COL19A1: variants seen among roughly 807,000 people sequenced by gnomAD.
COL19A1 encodes the protein collagen type XIX alpha 1 chain.
In COL19A1, 159 loss-of-function variants were observed where a neutral mutation model predicts 190.2. The ratio of observed to expected loss-of-function variants is 0.84; its 90% CI spans 0.73 to 0.95. The LOEUF (loss-of-function observed/expected upper bound fraction) is 0.95, where lower values mean the gene tolerates loss of function less well. COL19A1 is among the 40% of genes least tolerant of loss of function. The probability of loss-of-function intolerance (pLI) is 0.00; values close to 1 mark genes in which losing one functional copy is unlikely to be tolerated. For synonymous variants in COL19A1, 509 were observed against 458.9 expected (o/e 1.11, Z -1.39); for missense variants, 1,418 against 1,431.9 (o/e 0.99, Z 0.16).
intron 11 of COL19A1, among the ~76,000 whole-genome samples, chr6:70,005,079 G>A (rs767345869): frequency 1.3e-4 from 19 of 151,970 alleles, no homozygotes; most frequent in South Asian, 2.1e-4. Context: ...TGATGTGCCC[G>A]CCTTGGCCTC....
chr6:70,136,145 A>G (rs1421436557), intron 18 of COL19A1, among the ~76,000 whole-genome samples: 2 of 152,224 alleles, frequency 1.3e-5, no homozygotes, highest in East Asian at 1.9e-4. Context: ...CCATAAATCT[A>G]GAAGACTAAT....
intron 15 of COL19A1, among the ~76,000 whole-genome samples, chr6:70,069,800 T>C (rs930184007): frequency 2.6e-5 from 4 of 152,310 alleles, no homozygotes; most frequent in Non-Finnish European, 5.9e-5. Flanking sequence ...CTGATCCTTG[T>C]TGTTAAATTT....
intron 4 of COL19A1, among the ~76,000 whole-genome samples, chr6:69,910,029 G>T (rs926097432): frequency 6.6e-6 from 1 of 152,028 alleles, no homozygotes; most frequent in Non-Finnish European, 1.5e-5. Flanking sequence ...AGTGCTAGTT[G>T]AATTGGTATG....
intron 2 of COL19A1, among the ~76,000 whole-genome samples, chr6:69,896,727 C>T (rs1292310998): frequency 6.6e-6 from 1 of 152,086 alleles, no homozygotes; most frequent in African/African-American, 2.4e-5. Context: ...CTTTGCATTT[C>T]CTTGATAACT....
At chr6:70,142,586 ACTAT>A (rs2150235776) in intron 22 of COL19A1, among the ~76,000 whole-genome samples, 177 bp from the exon 23 acceptor site, 1 of 152,266 alleles carries the variant, frequency 6.6e-6, no homozygotes, top group African/African-American at 2.4e-5. Flanking sequence ...GTATCTGGAA[ACTAT>A]CTTGGTAATC....
intron 9 of COL19A1, among the ~76,000 whole-genome samples, chr6:69,953,128 AG>A (rs553240075): frequency 6.6e-6 from 1 of 152,012 alleles, no homozygotes; most frequent in Admixed American, 6.6e-5. Flanking sequence ...TTAAATGAGG[AG>A]GAAAAAAAAA....
At chr6:70,132,976 C>G (rs1785615364) in intron 18 of COL19A1, among the ~76,000 whole-genome samples, 1 of 152,200 alleles carries the variant, frequency 6.6e-6, no homozygotes, top group African/African-American at 2.4e-5. Flanking sequence ...ATAACTAAAA[C>G]ACATATAAAG....
intron 4 of COL19A1, among the ~76,000 whole-genome samples, chr6:69,921,469 T>G (rs1582406255): frequency 1.8e-5 from 2 of 110,134 alleles, no homozygotes; most frequent in South Asian, 5.2e-4. Flanking sequence ...ATCATATATA[T>G]TCATATATTC....
chr6:69,898,821 C>G (rs1769965799), intron 2 of COL19A1, 127 bp from the exon 3 acceptor site: 5 of 634,738 alleles, frequency 7.9e-6, no homozygotes, highest in Middle Eastern at 4.3e-4. Context: ...ATGTTCTTAT[C>G]CTCATTTTAC....
At chr6:70,167,912 TAGAAA>T in intron 37 of COL19A1, 108 bp from the exon 38 acceptor site, 1 of 733,912 alleles carries the variant, frequency 1.4e-6, no homozygotes, top group African/African-American at 1.8e-5. Context: ...TAAAATAGAA[TAGAAA>T]AAAGTAAAAA....
intron 15 of COL19A1, among the ~76,000 whole-genome samples, chr6:70,069,312 A>G (rs1781420104): frequency 6.6e-6 from 1 of 152,092 alleles, no homozygotes; most frequent in African/African-American, 2.4e-5. Context: ...TGTTTCTTAG[A>G]CATTCTCATT....
At chr6:70,100,149 G>A (rs187626471) in intron 15 of COL19A1, among the ~76,000 whole-genome samples, 1 of 152,030 alleles carries the variant, frequency 6.6e-6, no homozygotes, top group Non-Finnish European at 1.5e-5. Flanking sequence ...TTGATCCTAT[G>A]GTTTTAACTT....
Position 70,209,294 on chromosome 6 carries a change from A to C in COL19A1, c.*2020A>C, listed in dbSNP as rs1324517311. 1 of 152,546 alleles carries C rather than the reference A, an allele frequency of 6.6e-6. No individual in the cohort carries two copies. The highest frequency in any genetic ancestry group is 1.9e-4 in the East Asian group (1 of 5,202). 9.4% of individuals were successfully genotyped at this position (152,546 alleles called of 1,614,324 possible). On this transcript the variant is annotated 3_prime_UTR_variant, in exon 51 of 51. Coordinates refer to ENST00000620364, the MANE Select transcript of COL19A1 (RefSeq NM_001858.6). ...AAAGCTAAATATTTTATATGTTTTC[A>C]AAGATTATTTTTTCATATTAATAGG...
intron 14 of COL19A1, among the ~76,000 whole-genome samples, chr6:70,060,922 C>T (rs1371056248): frequency 2.0e-5 from 3 of 152,094 alleles, no homozygotes; most frequent in East Asian, 1.9e-4. Flanking sequence ...TCACGGTCAA[C>T]TAAAAGGATA....
chr6:69,993,418 C>T (rs765345199), intron 11 of COL19A1, among the ~76,000 whole-genome samples: 1 of 151,968 alleles, frequency 6.6e-6, no homozygotes, highest in Non-Finnish European at 1.5e-5. Flanking sequence ...TTGAAATTTT[C>T]TTTTTAAATT....
chr6:69,961,239 T>C (rs1774781660), intron 10 of COL19A1, among the ~76,000 whole-genome samples: 1 of 152,204 alleles, frequency 6.6e-6, no homozygotes, highest in African/African-American at 2.4e-5. Context: ...TTTAAAAAGA[T>C]ATGCACTTAT....
At chr6:70,039,840 G>A (rs557096112) in intron 14 of COL19A1, among the ~76,000 whole-genome samples, 158 of 150,736 alleles carry the variant, frequency 1.0e-3, no homozygotes, top group African/African-American at 3.6e-3. Flanking sequence ...ACAGCTCACT[G>A]CAGCCTTGAC....
Position 69,900,267 on chromosome 6 carries a change from A to G in COL19A1, c.195A>G (p.Leu65=). ...SGFDLGDSFS[L]RRAFCESDKT... ...TTGATCTAGGAGACAGCTTTTCTCT[A>G]AGACGTGCATTTTGTGAAAGTGATA... Residue 65 remains leucine, a synonymous_variant, in exon 4 of 51, where the codon CTA becomes CTG. Transcript: ENST00000620364. 1.3e-6 allele frequency: 2 copies of G among 1,595,840 alleles called. No homozygotes were observed. Among genetic ancestry groups the G allele is most frequent in the African/African-American group, 1.3e-5 (1 of 74,614 alleles).
At chr6:70,059,256 C>G (rs1470369845) in intron 14 of COL19A1, among the ~76,000 whole-genome samples, 1 of 152,096 alleles carries the variant, frequency 6.6e-6, no homozygotes, top group Non-Finnish European at 1.5e-5. Context: ...TGCAACATTC[C>G]TGGCAAGGGA....
Sources: allele counts gnomAD v4.1 joint callset (sites outside exome capture counted in the v4.1 genomes callset), GRCh38; gene constraint gnomAD v4.1.1; transcripts MANE v1.5; gene names NCBI Gene and HGNC (gene_info 2026-07-23, HGNC 2026-07-21).